COQ7: variants seen among roughly 807,000 people sequenced by gnomAD.
The protein encoded by COQ7 is coenzyme Q7, hydroxylase.
In COQ7, 21 loss-of-function variants were observed where a neutral mutation model predicts 25.0. The ratio of observed to expected loss-of-function variants is 0.84; its 90% CI spans 0.60 to 1.21. The LOEUF is 1.21. COQ7 is among the 50% of genes most tolerant of loss of function. The pLI is 0.00. For missense variants in COQ7, 311 were observed against 296.2 expected, an observed-to-expected ratio of 1.05 and a Z score of -0.37; for synonymous variants, 125 against 112.4, an observed-to-expected ratio of 1.11 and a Z score of -0.71.
intron 3 of COQ7, among the ~76,000 whole-genome samples, chr16:19,075,164 C>T (rs933414610): frequency 6.6e-6 from 1 of 151,078 alleles, no homozygotes; most frequent in African/African-American, 2.4e-5. Context: ...GTGAGTTTGT[C>T]CCCCTGATGA....
At position 19,075,714 on chromosome 16, in the gene COQ7, A is replaced by G. The variant is rs765463133; in HGVS notation, c.368-7A>G. The G allele has an allele frequency of 6.4e-7, 1 of 1,558,602 alleles. No individual in the cohort carries two copies. Among genetic ancestry groups the G allele is most frequent in the Admixed American group, 2.0e-5 (1 of 50,036 alleles). ...TTACTTTTCTGGTCTGGGTTTAACA[A>G]TCCCAGGGGCGGGGACCGCCTTGCT... On this transcript the variant is annotated splice_region_variant and splice_polypyrimidine_tract_variant and intron_variant, in intron 3 of 5. Transcript: ENST00000321998.
downstream of COQ7, among the ~76,000 whole-genome samples, chr16:19,082,647 A>G (rs1963116197): frequency 6.6e-6 from 1 of 152,062 alleles, no homozygotes; most frequent in African/African-American, 2.4e-5. Flanking sequence ...AGCCGGGCGT[A>G]GTCCCAGCTA....
rs1355440354 is a variant in COQ7, at chr16:19,071,926, A to T, written c.74-2A>T. On this transcript the variant is annotated splice_acceptor_variant, in intron 1 of 5. Transcript: ENST00000321998. LOFTEE classifies it high-confidence loss of function. Reference sequence around the variant, plus strand: ...AACGAAGAATAAACACTTGCATTTCAGCTTATGGAAGAAGAACCAGTGTCA... The same window carrying T: ...AACGAAGAATAAACACTTGCATTTCTGCTTATGGAAGAAGAACCAGTGTCA... 1.2e-6 allele frequency: 2 copies of T among 1,614,158 alleles called. No homozygotes were observed. The highest frequency in any genetic ancestry group is 8.5e-7 in the Non-Finnish European group (1 of 1,179,978).
Position 19,067,716 on chromosome 16 carries a change from G to C in COQ7, c.52G>C (p.Gly18Arg). The C allele has an allele frequency of 6.2e-7, 1 of 1,605,890 alleles. No individual in the cohort carries two copies. The highest frequency in any genetic ancestry group is 1.3e-5 in the African/African-American group (1 of 74,680). Residue 18 changes from glycine (G) to arginine (R), a missense_variant, in exon 1 of 6, where the codon GGG (glycine) becomes CGG (arginine). Gly to Arg is a moderately radical substitution (Grantham distance 125, BLOSUM62 -2). Transcript: ENST00000321998. ...AAPRLWRLRP[G>R]ARRSLSAYGR... ...TCCCCGCCTTTGGCGGCTGCGCCCG[G>C]GGGCCCGGCGGTCCCTCTCAGGTAA...
At chr16:19,071,830 A>C in intron 1 of COQ7, 98 bp from the exon 2 acceptor site, 2 of 1,398,938 alleles carry the variant, frequency 1.4e-6, no homozygotes, top group Non-Finnish European at 2.0e-6. Context: ...TGGGGAACTG[A>C]TTTGTGACCT....
At chr16:19,075,347 C>T (rs111445564) in intron 3 of COQ7, among the ~76,000 whole-genome samples, 20,635 of 151,900 alleles carry the variant, frequency 0.14, 1,496 homozygotes, top group South Asian at 0.19. Flanking sequence ...GGATTACAGG[C>T]GCCCACCACC....
In COQ7 at chr16:19,078,178, G is replaced by A; in HGVS notation, c.*20G>A. 1 of 1,589,208 alleles carries A rather than the reference G, an allele frequency of 6.3e-7. No individual in the cohort carries two copies. The highest frequency in any genetic ancestry group is 8.6e-7 in the Non-Finnish European group (1 of 1,164,150). ...TTATAAAGTGTGTCCAGTTTTGCCT[G>A]TCTATAAAAGATGATAGTAATTTAC... On this transcript the variant is annotated 3_prime_UTR_variant, in exon 6 of 6. Transcript: ENST00000321998.
At chr16:19,068,180 C>G in intron 1 of COQ7, 5 of 1,029,778 alleles carry the variant, frequency 4.9e-6, no homozygotes, top group Non-Finnish European at 5.8e-6. Context: ...TTCTCGGGCC[C>G]CACCCCGACC....
rs372964750 is a variant in COQ7, at chr16:19,074,042, G to T, written c.367+7G>T. 8 of 1,604,992 alleles carry T rather than the reference G, an allele frequency of 5.0e-6. No homozygotes were observed. Among genetic ancestry groups the T allele is most frequent in the Non-Finnish European group, 6.8e-6 (8 of 1,173,012 alleles). ...GTGCTGGGGTTTGCACTGGGTACGT[G>T]TCTCTCTAGAAGAGCTTATGCAAGC... is the stretch of plus-strand genomic sequence containing the variant. On this transcript the variant is annotated splice_region_variant and intron_variant, in intron 3 of 5. Coordinates refer to ENST00000321998, the MANE Select transcript of COQ7 (RefSeq NM_016138.5).
At chr16:19,081,527 G>A (rs941980393), downstream of COQ7, among the ~76,000 whole-genome samples, 2 of 152,150 alleles carry the variant, frequency 1.3e-5, no homozygotes, top group Non-Finnish European at 1.5e-5. Flanking sequence ...CAAGAAGAGA[G>A]GAATTTACCC....
rs1962966348 is a variant in COQ7, at chr16:19,078,251, T to C, written c.*93T>C. On this transcript the variant is annotated 3_prime_UTR_variant, in exon 6 of 6. Transcript: ENST00000321998. ...AGGTGTACAGTTATCGTTGTACTTT[T>C]GTACAATGTGAATTTTGTTAATAAA... 9 of 876,870 alleles carry C rather than the reference T, an allele frequency of 1.0e-5. No homozygotes were observed. The Admixed American group carries it at 2.9e-4, about 28-fold the overall frequency. 54.3% of individuals were successfully genotyped at this position (876,870 alleles called of 1,614,324 possible). A position where few individuals can be genotyped will look rare whatever the true frequency, so the allele number is the denominator to read the frequency against.
intron 4 of COQ7, 86 bp from the exon 5 acceptor site, chr16:19,077,220 A>G: frequency 8.3e-7 from 1 of 1,206,252 alleles, no homozygotes; most frequent in Non-Finnish European, 1.2e-6. Context: ...CTTAGGCCAT[A>G]ATAAGAGGCT....
intron 4 of COQ7, 34 bp downstream of exon 4, chr16:19,075,894 A>G (rs1962814318): frequency 6.2e-7 from 1 of 1,613,608 alleles, no homozygotes; most frequent in South Asian, 1.1e-5. Context: ...GGGCTGCTCA[A>G]GGAGGAAAAT....
rs188158395 is a variant in COQ7, at chr16:19,072,582, C to T, written c.252+476C>T. Among the ~76,000 whole-genome samples, 525 of 152,050 alleles carry T rather than the reference C, an allele frequency of 3.5e-3. 1 individual carries two copies. The highest frequency in any genetic ancestry group is 5.2e-3 in the Non-Finnish European group (352 of 68,010). On this transcript the variant is annotated intron_variant, in intron 2 of 5. Coordinates refer to ENST00000321998, the MANE Select transcript of COQ7 (RefSeq NM_016138.5). ...ACAGGACTTCTCTGGGTTTCCATTTCCGTATCTGCAAAATGGCCTCATAAT... is the reference window on the plus strand; with the variant it reads ...ACAGGACTTCTCTGGGTTTCCATTTTCGTATCTGCAAAATGGCCTCATAAT...
At chr16:19,080,394 G>C (rs1015926296), downstream of COQ7, among the ~76,000 whole-genome samples, 15 of 152,280 alleles carry the variant, frequency 9.9e-5, no homozygotes, top group African/African-American at 3.4e-4. Flanking sequence ...CCCTTTTAAT[G>C]GGTAAAGGTT....
chr16:19,078,309 G>T lies in COQ7; in HGVS notation c.*151G>T, dbSNP rs1409026950. On this transcript the variant is annotated 3_prime_UTR_variant, in exon 6 of 6. Coordinates refer to ENST00000321998, the MANE Select transcript of COQ7 (RefSeq NM_016138.5). ...GTTTGTTTTTTTTTTTTTAAACTCT[G>T]CAGTGTTGATTTTTCTCTGGGTTGT... is the stretch of plus-strand genomic sequence containing the variant. 1.6e-5 allele frequency: 9 copies of T among 558,302 alleles called. No homozygotes were observed. Among genetic ancestry groups the T allele is most frequent in the Middle Eastern group, 5.0e-4 (1 of 2,000 alleles). The allele number at this position is 558,302 out of a possible 1,614,324, so 34.6% of individuals were successfully genotyped here.
intron 1 of COQ7, among the ~76,000 whole-genome samples, chr16:19,069,091 A>G (rs1962410993): frequency 6.6e-6 from 1 of 152,190 alleles, no homozygotes; most frequent in Non-Finnish European, 1.5e-5. Flanking sequence ...GCATATCCAT[A>G]AGCCACTTAA....
In COQ7 at chr16:19,076,988, C is replaced by A. The variant is rs187802149; in HGVS notation, c.508-318C>A. On this transcript the variant is annotated intron_variant, in intron 4 of 5. Coordinates refer to ENST00000321998, the MANE Select transcript of COQ7 (RefSeq NM_016138.5). The stretch of plus-strand genomic sequence containing the variant: ...GATATCCTGAGATAATTTTCCACAG[C>A]AAATAAGGGAACTGTTTAGTTTTTT... Among the ~76,000 whole-genome samples the A allele has an allele frequency of 9.5e-4, 144 of 152,344 alleles. 1 individual carries two copies. The highest frequency in any genetic ancestry group is 3.4e-3 in the African/African-American group (142 of 41,582).
In COQ7 at chr16:19,078,430, A is replaced by T. The variant is rs1204062315; in HGVS notation, c.*272A>T. 4.4e-6 allele frequency: 1 copy of T among 226,672 alleles called. No homozygotes were observed. The highest frequency in any genetic ancestry group is 8.5e-6 in the Non-Finnish European group (1 of 118,230). 14.0% of individuals were successfully genotyped at this position (226,672 alleles called of 1,614,324 possible). A position where few individuals can be genotyped will look rare whatever the true frequency, so the allele number is the denominator to read the frequency against. The stretch of plus-strand genomic sequence containing the variant: ...GGTCTCATACTTAATTTTCTTTTAT[A>T]TACATGTTTTTCTTTTACATGCATA... On this transcript the variant is annotated 3_prime_UTR_variant, in exon 6 of 6. Coordinates refer to ENST00000321998, the MANE Select transcript of COQ7 (RefSeq NM_016138.5).
Sources: gnomAD v4.1 joint callset for allele counts (sites outside exome capture counted in the v4.1 genomes callset) on GRCh38, gnomAD v4.1.1 for gene constraint, MANE v1.5 for transcripts, NCBI Gene and HGNC (gene_info 2026-07-23, HGNC 2026-07-21) for gene names.